The following BOC variants were observed in gnomAD, a reference collection of about 807,000 sequenced individuals.
BOC encodes the protein brother of CDO.
BOC carries 76 observed loss-of-function variants against 112.0 expected under a neutral mutation model. The observed-to-expected ratio is 0.68, with a 90% CI of 0.56 to 0.82. BOC has a LOEUF of 0.82. BOC is among the 40% of genes least tolerant of loss of function. BOC has a pLI of 0.00. For missense variants in BOC, 1,309 were observed against 1,511.7 expected, an observed-to-expected ratio of 0.87 and a Z score of 2.22; for synonymous variants, 580 against 599.8, an observed-to-expected ratio of 0.97 and a Z score of 0.48.
intron 4 of BOC, among the ~76,000 whole-genome samples, chr3:113,263,389 A>G (rs1247233193): frequency 6.6e-6 from 1 of 152,228 alleles, no homozygotes; most frequent in Non-Finnish European, 1.5e-5. Flanking sequence ...AGTTTCTTTA[A>G]GCATTCAGCA....
chr3:113,228,707 G>A (rs1028514520), intron 2 of BOC, among the ~76,000 whole-genome samples: 1 of 152,164 alleles, frequency 6.6e-6, no homozygotes, highest in Non-Finnish European at 1.5e-5. Flanking sequence ...CAGCTGCTCT[G>A]AGCTCCTCTG....
At position 113,278,884 on chromosome 3, in the gene BOC, GT is replaced by G; in HGVS notation, c.1816+106del. Reference sequence around the variant, plus strand: ...GGGGTCTTGCTTCTGTAGGTCCAGGGTTTTTATGACATCTCCCAGTTAACCA... The same window carrying G: ...GGGGTCTTGCTTCTGTAGGTCCAGGGTTTTATGACATCTCCCAGTTAACCA... On this transcript the variant is annotated intron_variant, in intron 11 of 19. Transcript: ENST00000682979. This position sits in a 1 kb window ranked among gnomAD's most constrained non-coding sequence, Gnocchi z 4.2. 1 of 988,280 alleles carries G rather than the reference GT, an allele frequency of 1.0e-6. No homozygotes were observed. The highest frequency in any genetic ancestry group is 1.5e-6 in the Non-Finnish European group (1 of 662,328). 61.2% of individuals were successfully genotyped at this position (988,280 alleles called of 1,614,324 possible).
intron 18 of BOC, 152 bp from the exon 19 acceptor site, chr3:113,285,220 C>A (rs933769304): frequency 4.0e-5 from 27 of 673,150 alleles, no homozygotes; most frequent in Non-Finnish European, 6.5e-5. Flanking sequence ...TGGTGTGGTA[C>A]CTCTTGATGT....
Position 113,278,644 on chromosome 3 carries a change from C to T in BOC, c.1706-29C>T, listed in dbSNP as rs143976617. 3.8e-4 allele frequency: 587 copies of T among 1,538,148 alleles called. 2 individuals carry two copies. In the African/African-American group the frequency reaches 5.6e-3, roughly 15 times the overall value. On this transcript the variant is annotated intron_variant, in intron 10 of 19. Transcript: ENST00000682979. The surrounding 1 kb of genome is among the most constrained non-coding windows in gnomAD (Gnocchi z 4.2). ...GGGAGATCTCATGCCTGCTTCCTCC[C>T]TTGCTGACTACAACCCATTTCCACC... is the stretch of plus-strand genomic sequence containing the variant.
chr3:113,239,255 A>C (rs1268856837), intron 2 of BOC, among the ~76,000 whole-genome samples: 2 of 152,238 alleles, frequency 1.3e-5, no homozygotes, highest in East Asian at 3.9e-4. Context: ...AGGGGGTGGA[A>C]TTATATTTCT....
chr3:113,269,229 C>G (rs1043552101), intron 5 of BOC, among the ~76,000 whole-genome samples: 1 of 152,192 alleles, frequency 6.6e-6, no homozygotes, highest in Non-Finnish European at 1.5e-5. Flanking sequence ...ATAGTAAATG[C>G]AGTTATCTCA....
chr3:113,280,462 C>G, intron 13 of BOC, 96 bp from the exon 14 acceptor site: 1 of 843,068 alleles, frequency 1.2e-6, no homozygotes, highest in Non-Finnish European at 2.0e-6. Context: ...GAAATTCAAA[C>G]TCTGGACTGG....
intron 2 of BOC, among the ~76,000 whole-genome samples, chr3:113,244,785 G>A (rs1284157539): frequency 6.6e-6 from 1 of 152,192 alleles, no homozygotes; most frequent in Non-Finnish European, 1.5e-5. Flanking sequence ...CACACAGAAA[G>A]TTACTGTTAT....
chr3:113,268,390 C>T lies in BOC; in HGVS notation c.468C>T (p.His156=), dbSNP rs1947746428. 1 of 1,614,158 alleles carries T rather than the reference C, an allele frequency of 6.2e-7. No homozygotes were observed. Among genetic ancestry groups the T allele is most frequent in the African/African-American group, 1.3e-5 (1 of 75,064 alleles). The stretch of plus-strand genomic sequence containing the variant: ...TTGCCTGCCACCTGCCTGAGAGCCA[C>T]CCCAAAGCCCAGGTCCGGTACAGCG... ...AVIACHLPES[H]PKAQVRYSVK... is the part of the protein sequence containing the mutation. The change falls in exon 5 of 20, where the codon CAC becomes CAT. Residue 156 remains histidine (H), a synonymous_variant. Coordinates refer to ENST00000682979, the MANE Select transcript of BOC (RefSeq NM_001378074.1).
upstream of BOC, chr3:113,211,358 C>G (rs966363405): frequency 1.3e-5 from 2 of 152,152 alleles, no homozygotes; most frequent in African/African-American, 4.8e-5. Context: ...TGAGGCACAG[C>G]AAAAAGTGGG....
chr3:113,211,600 T>C lies in BOC; in HGVS notation c.-586T>C, dbSNP rs1007275691. ...TTCCATATGGAGGGACCGGGTGCGC[T>C]GGGCGCGGCGTCCCCTGCGTTGTCC... On this transcript the variant is annotated 5_prime_UTR_variant, in exon 1 of 20. Transcript: ENST00000682979. The C allele has an allele frequency of 2.0e-5, 3 of 152,082 alleles. No individual in the cohort carries two copies. Among genetic ancestry groups the C allele is most frequent in the African/African-American group, 7.2e-5 (3 of 41,408 alleles). 9.4% of individuals were successfully genotyped at this position (152,082 alleles called of 1,614,324 possible). A position where few individuals can be genotyped will look rare whatever the true frequency, so the allele number is the denominator to read the frequency against.
intron 2 of BOC, among the ~76,000 whole-genome samples, chr3:113,225,962 C>T (rs1260324307): frequency 2.0e-5 from 3 of 152,212 alleles, no homozygotes; most frequent in Non-Finnish European, 4.4e-5. Flanking sequence ...TCACTTCCTA[C>T]ATTCTGCCCC....
At chr3:113,269,549 A>ATG (rs978483945) in intron 5 of BOC, 4 of 152,092 alleles carry the variant, frequency 2.6e-5, no homozygotes, top group Non-Finnish European at 4.4e-5. Context: ...ATATATATAT[A>ATG]TACCTTTAAA....
intron 4 of BOC, among the ~76,000 whole-genome samples, chr3:113,265,822 G>C (rs1291482773): frequency 6.6e-6 from 1 of 152,234 alleles, no homozygotes; most frequent in African/African-American, 2.4e-5. Context: ...ATTAAACTGG[G>C]TGTTACCCCA....
At chr3:113,253,911 TG>T (rs1945925922) in intron 4 of BOC, among the ~76,000 whole-genome samples, 1 of 152,222 alleles carries the variant, frequency 6.6e-6, no homozygotes, top group Non-Finnish European at 1.5e-5. Flanking sequence ...AGCACAAGTC[TG>T]TAGAGACTCA....
chr3:113,265,534 C>A (rs1048667028), intron 4 of BOC, among the ~76,000 whole-genome samples: 1 of 152,106 alleles, frequency 6.6e-6, no homozygotes, highest in Non-Finnish European at 1.5e-5. Context: ...AGGTACAGGG[C>A]GCACTGGCCT....
At chr3:113,225,180 A>C (rs533524915) in intron 2 of BOC, among the ~76,000 whole-genome samples, 1 of 152,246 alleles carries the variant, frequency 6.6e-6, no homozygotes, top group Non-Finnish European at 1.5e-5. Context: ...AGGCTGAGGT[A>C]CAAGAATCAC....
At chr3:113,245,225 T>C (rs921758529) in intron 2 of BOC, among the ~76,000 whole-genome samples, 4 of 152,202 alleles carry the variant, frequency 2.6e-5, no homozygotes, top group African/African-American at 9.7e-5. Flanking sequence ...TATTTAAAGG[T>C]ATACAACCTG....
intron 2 of BOC, among the ~76,000 whole-genome samples, chr3:113,219,800 G>A (rs1242688481): frequency 6.6e-6 from 1 of 152,144 alleles, no homozygotes; most frequent in African/African-American, 2.4e-5. Context: ...CAGACTTTGC[G>A]GCCAATGGCT....
Sources: allele counts gnomAD v4.1 joint callset (sites outside exome capture counted in the v4.1 genomes callset), GRCh38; gene constraint gnomAD v4.1.1; non-coding constraint Gnocchi (gnomAD v3.1); transcripts MANE v1.5; gene names NCBI Gene and HGNC (gene_info 2026-07-23, HGNC 2026-07-21).